MMP26: variants seen among roughly 807,000 people sequenced by gnomAD.
The protein encoded by MMP26 is matrix metalloproteinase-26.
Under a neutral mutation model 31.0 loss-of-function variants are expected in MMP26, and 33 were observed. That is an observed-to-expected ratio of 1.06 (90% confidence interval 0.81 to 1.42). MMP26 has a LOEUF of 1.42. Among genes scored for constraint, MMP26 ranks in the 40% most tolerant of loss-of-function variants. The pLI is 0.00. For synonymous variants in MMP26, 122 were observed against 114.9 expected (o/e 1.06, Z -0.40); for missense variants, 347 against 316.1 (o/e 1.10, Z -0.74).
intron 1 of MMP26, among the ~76,000 whole-genome samples, chr11:4,708,805 C>T (rs994661686): frequency 2.0e-5 from 3 of 152,162 alleles, no homozygotes; most frequent in African/African-American, 4.8e-5. Flanking sequence ...GTAAATACTC[C>T]AGTTATTATC....
chr11:4,810,859 G>A (rs1209127509), intron 2 of MMP26, among the ~76,000 whole-genome samples: 1 of 152,188 alleles, frequency 6.6e-6, no homozygotes, highest in Non-Finnish European at 1.5e-5. Context: ...AAACACTGAG[G>A]AAGATTTGAG....
intron 2 of MMP26, among the ~76,000 whole-genome samples, chr11:4,885,995 A>G (rs1198299583): frequency 3.3e-5 from 5 of 152,090 alleles, no homozygotes; most frequent in Admixed American, 2.6e-4. Context: ...GTCTTATGTA[A>G]CAACCAACAC....
Position 4,953,789 on chromosome 11 carries a change from C to T in MMP26, c.-144-34279C>T, listed in dbSNP as rs1240925155. Among the ~76,000 whole-genome samples, 5 of 125,416 alleles carry T rather than the reference C, an allele frequency of 4.0e-5. 1 individual carries two copies. The highest frequency in any genetic ancestry group is 2.3e-4 in the East Asian group (1 of 4,398). The allele number at this position is 125,416 out of a possible 152,430, so 82.3% of individuals were successfully genotyped here. On this transcript the variant is annotated intron_variant, in intron 2 of 7. Transcript: ENST00000380390. ...TCCTTCGGCTTGGCGTGTTGGCTCA[C>T]GCCTGTAATACCAGCACTTTGGGAG...
chr11:4,912,456 T>TG (rs774450131), intron 2 of MMP26: 1 of 152,184 alleles, frequency 6.6e-6, no homozygotes, highest in Non-Finnish European at 1.5e-5. Flanking sequence ...GCTGTATACA[T>TG]GCCTCAAAAT....
intron 2 of MMP26, among the ~76,000 whole-genome samples, chr11:4,985,957 T>C (rs1846879480): frequency 6.6e-6 from 1 of 152,214 alleles, no homozygotes; most frequent in African/African-American, 2.4e-5. Flanking sequence ...GAGCCTCAAA[T>C]AGGATTACCA....
intron 2 of MMP26, chr11:4,972,991 C>T (rs1451585565): frequency 6.5e-6 from 1 of 152,712 alleles, no homozygotes; most frequent in Admixed American, 6.5e-5. Context: ...TTCTTATCTG[C>T]TGGCTCTTCA....
intron 2 of MMP26, among the ~76,000 whole-genome samples, chr11:4,861,550 T>A (rs1382101952): frequency 6.6e-6 from 1 of 151,908 alleles, no homozygotes; most frequent in East Asian, 1.9e-4. Flanking sequence ...ATAATTTTAA[T>A]GAATTACATA....
intron 2 of MMP26, among the ~76,000 whole-genome samples, chr11:4,780,227 A>G (rs991153216): frequency 3.9e-5 from 6 of 152,144 alleles, no homozygotes; most frequent in Admixed American, 2.0e-4. Context: ...TAAAATTTCT[A>G]GTTCATAAGG....
In MMP26 at chr11:4,862,334, T is replaced by C. The variant is rs892842773; in HGVS notation, c.-145+94993T>C. ...GACTATTTTATGGTTCATCACCTCA[T>C]TGAGCATATGTAAGGCATTTATTAA... On this transcript the variant is annotated intron_variant, in intron 2 of 7. Transcript: ENST00000380390. Among the ~76,000 whole-genome samples, 7 of 152,302 alleles carry C rather than the reference T, an allele frequency of 4.6e-5. No individual in the cohort carries two copies. In the South Asian group the frequency reaches 1.2e-3, roughly 27 times the overall value.
chr11:4,989,719 C>T lies in MMP26; in HGVS notation c.171C>T (p.Leu57=). 6.2e-7 allele frequency: 1 copy of T among 1,613,966 alleles called. No individual in the cohort carries two copies. Among genetic ancestry groups the T allele is most frequent in the Non-Finnish European group, 8.5e-7 (1 of 1,180,020 alleles). The change falls in exon 4 of 8, where the codon CTC becomes CTT. Residue 57 remains leucine (L), a synonymous_variant. Transcript: ENST00000380390. ...TTACCCAGGAGACACAAACACAGCT[C>T]CTGCAACAATTCCATCGGAATGGGA... is the stretch of plus-strand genomic sequence containing the variant. ...PLLTQETQTQ[L]LQQFHRNGTD...
rs1199218854 is a variant in MMP26, at chr11:4,934,365, A to G, written c.-144-53703A>G. Among the ~76,000 whole-genome samples the G allele has an allele frequency of 2.2e-3, 253 of 117,044 alleles. 2 individuals are homozygous for G. The highest frequency in any genetic ancestry group is 1.8e-3 in the Non-Finnish European group (104 of 57,926). The allele number at this position is 117,044 out of a possible 152,430, so 76.8% of individuals were successfully genotyped here. On this transcript the variant is annotated intron_variant, in intron 2 of 7. Transcript: ENST00000380390. ...TTTCATGTGTTTTTTGGCTGCATAA[A>G]TGTCTTCTTTTGAGAAGTGTCTGTT...
At chr11:4,897,463 T>C (rs1415891505) in intron 2 of MMP26, among the ~76,000 whole-genome samples, 1 of 152,224 alleles carries the variant, frequency 6.6e-6, no homozygotes, top group Non-Finnish European at 1.5e-5. Flanking sequence ...TTGTGACAAG[T>C]GCTATTTTGT....
chr11:4,913,431 C>G (rs1851022639), intron 2 of MMP26: 1 of 152,216 alleles, frequency 6.6e-6, no homozygotes, highest in Admixed American at 6.5e-5. Context: ...TCATGCTTCT[C>G]TCTAGGTGTT....
At chr11:4,909,630 C>T (rs1195873448) in intron 2 of MMP26, among the ~76,000 whole-genome samples, 1 of 152,164 alleles carries the variant, frequency 6.6e-6, no homozygotes, top group Non-Finnish European at 1.5e-5. Context: ...AAGATCCTCT[C>T]TTGCTAAAGT....
At chr11:4,904,357 C>A (rs779099239) in intron 2 of MMP26, among the ~76,000 whole-genome samples, 35 of 152,074 alleles carry the variant, frequency 2.3e-4, no homozygotes, top group Non-Finnish European at 4.3e-4. Flanking sequence ...TAAAGAATAG[C>A]AATTCTAAGT....
At chr11:4,774,081 A>G (rs1008385285) in intron 2 of MMP26, among the ~76,000 whole-genome samples, 1 of 152,218 alleles carries the variant, frequency 6.6e-6, no homozygotes, top group Non-Finnish European at 1.5e-5. Context: ...ACTATTGCGA[A>G]CAATGCTGCA....
intron 2 of MMP26, among the ~76,000 whole-genome samples, chr11:4,817,248 G>A (rs1289993555): frequency 3.3e-5 from 5 of 152,046 alleles, no homozygotes; most frequent in Non-Finnish European, 7.4e-5. Flanking sequence ...GAAGTGTAAG[G>A]GCATTTGTTC....
chr11:4,817,184 A>G (rs1351831518), intron 2 of MMP26, among the ~76,000 whole-genome samples: 1 of 152,184 alleles, frequency 6.6e-6, no homozygotes, highest in East Asian at 1.9e-4. Flanking sequence ...ATGGCCTAGG[A>G]AAGTATTATA....
chr11:4,961,185 C>T (rs930288679), intron 2 of MMP26, among the ~76,000 whole-genome samples: 2 of 152,180 alleles, frequency 1.3e-5, no homozygotes, highest in African/African-American at 4.8e-5. Context: ...AAGGAAGTTT[C>T]AGTGTTTCTA....
Sources: gnomAD v4.1 joint callset for allele counts (sites outside exome capture counted in the v4.1 genomes callset) on GRCh38, gnomAD v4.1.1 for gene constraint, MANE v1.5 for transcripts, NCBI Gene and HGNC (gene_info 2026-07-23, HGNC 2026-07-21) for gene names.